PHACTR2: variants seen among roughly 807,000 people sequenced by gnomAD.
PHACTR2 encodes the protein chromosome 6 open reading frame 56.
A neutral mutation model predicts 76.0 loss-of-function variants in PHACTR2; 30 were observed. That is an observed-to-expected ratio of 0.39 (90% CI 0.30 to 0.54). PHACTR2 has a LOEUF of 0.54. PHACTR2 is among the 20% of genes least tolerant of loss of function. The pLI is 0.61. For missense variants in PHACTR2, 696 were observed against 781.1 expected (o/e 0.89, Z 1.30); for synonymous variants, 292 against 292.5 (o/e 1.00, Z 0.02).
chr6:143,552,291 G>A (rs1775106216), intron 1 of PHACTR2, among the ~76,000 whole-genome samples: 1 of 152,094 alleles, frequency 6.6e-6, no homozygotes, highest in Non-Finnish European at 1.5e-5. Context: ...AAACTGAAAG[G>A]ACATCTTCAG....
At chr6:143,721,474 TTC>T (rs1352475117) in intron 2 of PHACTR2, among the ~76,000 whole-genome samples, 2 of 152,204 alleles carry the variant, frequency 1.3e-5, no homozygotes, top group Admixed American at 1.3e-4. Context: ...AGCCATCTAG[TTC>T]TCTCTCTAGG....
In PHACTR2 at chr6:143,546,873, A is replaced by G. The variant is rs201620331; in HGVS notation, c.217+9666A>G. On this transcript the variant is annotated intron_variant, in intron 1 of 11. Transcript: ENST00000367584. This position sits in a 1 kb window ranked among gnomAD's most constrained non-coding sequence, Gnocchi z 4.9. ...AGACCCCATCTCAAAAAAAAAAAAA[A>G]TAAAAAATAAAAAATTAGCCAGGTG... Among the ~76,000 whole-genome samples, 1 of 144,774 alleles carries G rather than the reference A, an allele frequency of 6.9e-6. No homozygotes were observed. Among genetic ancestry groups the G allele is most frequent in the Non-Finnish European group, 1.5e-5 (1 of 65,892 alleles). 95.0% of individuals were successfully genotyped at this position (144,774 alleles called of 152,430 possible). A position where few individuals can be genotyped will look rare whatever the true frequency, so the allele number is the denominator to read the frequency against.
At chr6:143,723,783 G>C (rs947246782) in intron 2 of PHACTR2, among the ~76,000 whole-genome samples, 4 of 152,264 alleles carry the variant, frequency 2.6e-5, no homozygotes, top group South Asian at 4.1e-4. Flanking sequence ...CTCCATGCCA[G>C]ATCTACACAG....
chr6:143,722,186 A>G lies in PHACTR2; in HGVS notation c.214+10003A>G, dbSNP rs770653838. On this transcript the variant is annotated intron_variant, in intron 2 of 12. Transcript: ENST00000440869. The surrounding 1 kb of genome is among the most constrained non-coding windows in gnomAD (Gnocchi z 4.1). ...AAAATATCACCCAGAGCCTCCTAAC[A>G]GGGTGATCTGTTTTATTTTTTTATA... Among the ~76,000 whole-genome samples, 1 of 152,178 alleles carries G rather than the reference A, an allele frequency of 6.6e-6. No homozygotes were observed. The highest frequency in any genetic ancestry group is 1.9e-4 in the East Asian group (1 of 5,204).
rs1215313427 is a variant in PHACTR2 at position 143,783,033 on chromosome 6, G to GTGTA, written c.1646-182_1646-179dup. Among the ~76,000 whole-genome samples the GTGTA allele has an allele frequency of 1.3e-5, 2 of 151,718 alleles. 1 individual carries two copies. The highest frequency in any genetic ancestry group is 4.2e-4 in the South Asian group (2 of 4,806). ...TGTGTGTGTGTGTGTGTGTGTGTGT[G>GTGTA]TGTATGTGTGTGTGTGTGTAAGATG... On this transcript the variant is annotated intron_variant, in intron 9 of 12. Coordinates refer to ENST00000440869, the MANE Select transcript of PHACTR2 (RefSeq NM_001100164.2). The surrounding 1 kb of genome is among the most constrained non-coding windows in gnomAD (Gnocchi z 5.2).
intron 1 of PHACTR2, among the ~76,000 whole-genome samples, chr6:143,574,485 C>A (rs142066245): frequency 6.5e-4 from 99 of 152,284 alleles, no homozygotes; most frequent in Middle Eastern, 3.4e-3. Context: ...TGTCTCTCAA[C>A]ATTGATACCT....
rs552752977 is a variant in PHACTR2, at chr6:143,775,952, G to A, written c.1590-1376G>A. On this transcript the variant is annotated intron_variant, in intron 8 of 12. Transcript: ENST00000440869. This position sits in a 1 kb window ranked among gnomAD's most constrained non-coding sequence, Gnocchi z 4.4. ...TCAAGACCGGCCTGGCCAACATGGC[G>A]AAATACCGTTTCTACTAAAAATACA... Among the ~76,000 whole-genome samples the A allele has an allele frequency of 3.3e-5, 5 of 152,170 alleles. No individual in the cohort carries two copies. Among genetic ancestry groups the A allele is most frequent in the South Asian group, 2.1e-4 (1 of 4,822 alleles).
intron 1 of PHACTR2, among the ~76,000 whole-genome samples, chr6:143,644,264 G>A (rs1288947392): frequency 2.6e-5 from 4 of 151,944 alleles, no homozygotes; most frequent in Admixed American, 6.6e-5. Context: ...TCAGGAGATC[G>A]AGACCATCCT....
intron 1 of PHACTR2, among the ~76,000 whole-genome samples, chr6:143,645,337 A>G (rs1391611491): frequency 6.6e-6 from 1 of 152,098 alleles, no homozygotes; most frequent in African/African-American, 2.4e-5. Flanking sequence ...AATACTACTC[A>G]GCCATGAAAA....
intron 7 of PHACTR2, among the ~76,000 whole-genome samples, chr6:143,773,785 C>T (rs553001523): frequency 3.3e-5 from 5 of 152,214 alleles, no homozygotes; most frequent in Non-Finnish European, 5.9e-5. Flanking sequence ...TAAACTGCAG[C>T]TATCACTTTC....
chr6:143,649,494 A>G (rs1025617487), intron 1 of PHACTR2, among the ~76,000 whole-genome samples: 3 of 152,226 alleles, frequency 2.0e-5, no homozygotes, highest in African/African-American at 7.2e-5. Flanking sequence ...CTTATTCACC[A>G]TGATTCAGTA....
chr6:143,714,761 C>T lies in PHACTR2; in HGVS notation c.214+2578C>T, dbSNP rs75247673. Among the ~76,000 whole-genome samples the T allele has an allele frequency of 8.4e-3, 1,281 of 152,262 alleles. 17 individuals are homozygous for T. Among genetic ancestry groups the T allele is most frequent in the African/African-American group, 0.028 (1,172 of 41,534 alleles). ...TTCTTCTCCTGCATGAGAGGTCCCA[C>T]GTAAGCTCTAGGTTCTTCTATCCCT... On this transcript the variant is annotated intron_variant, in intron 2 of 12. Transcript: ENST00000440869.
rs57948833 is a variant in PHACTR2, at chr6:143,815,177, T to C, written c.1922+8044T>C. Among the ~76,000 whole-genome samples, 1,268 of 152,340 alleles carry C rather than the reference T, an allele frequency of 8.3e-3. 16 individuals are homozygous for C. The highest frequency in any genetic ancestry group is 0.029 in the African/African-American group (1,199 of 41,578). On this transcript the variant is annotated intron_variant, in intron 12 of 12. Transcript: ENST00000440869. ...AGAAATTAAAAGAGTTGCAAAATGC[T>C]GCTTTAACTACTACCAGAGTTGAAA... is the stretch of plus-strand genomic sequence containing the variant.
At chr6:143,703,469 A>G (rs1562275631) in intron 1 of PHACTR2, among the ~76,000 whole-genome samples, 1 of 152,180 alleles carries the variant, frequency 6.6e-6, no homozygotes. Context: ...CTTTCAAGTG[A>G]TGGGGGAATG....
rs139601841 is a variant in PHACTR2 at position 143,690,575 on chromosome 6, C to T, written c.46+12366C>T. On this transcript the variant is annotated intron_variant, in intron 1 of 12. Coordinates refer to ENST00000440869, the MANE Select transcript of PHACTR2 (RefSeq NM_001100164.2). ...CTGGGACATAAGGTAGCAAAGCAGA[C>T]TTGCTGCAGTATGCACAAACACTGC... Among the ~76,000 whole-genome samples the T allele has an allele frequency of 3.8e-3, 581 of 152,354 alleles. 5 individuals carry two copies. Among genetic ancestry groups the T allele is most frequent in the South Asian group, 0.02 (97 of 4,820 alleles).
rs889813475 is a variant in PHACTR2 at position 143,585,213 on chromosome 6, C to A, written c.217+48006C>A. The stretch of plus-strand genomic sequence containing the variant: ...TAGTGGGGTAGAGACTGCATCTGCA[C>A]CATGAGGCAGCAAGAATATGGAGGA... On this transcript the variant is annotated intron_variant, in intron 1 of 11. Coordinates refer to the PHACTR2 transcript ENST00000367584. The surrounding 1 kb of genome is among the most constrained non-coding windows in gnomAD (Gnocchi z 5.2). Among the ~76,000 whole-genome samples the A allele has an allele frequency of 6.6e-6, 1 of 151,904 alleles. No individual in the cohort carries two copies. The highest frequency in any genetic ancestry group is 6.6e-5 in the Admixed American group (1 of 15,250).
intron 2 of PHACTR2, among the ~76,000 whole-genome samples, chr6:143,718,083 A>G (rs1242161303): frequency 1.3e-5 from 2 of 152,214 alleles, no homozygotes; most frequent in Non-Finnish European, 2.9e-5. Context: ...CTTCAATAAA[A>G]TGGAGACTTT....
upstream of PHACTR2, among the ~76,000 whole-genome samples, chr6:143,674,983 G>A (rs1777215378): frequency 6.6e-6 from 1 of 152,320 alleles, no homozygotes; most frequent in East Asian, 1.9e-4. This position sits in a 1 kb window ranked among gnomAD's most constrained non-coding sequence, Gnocchi z 4.9. Context: ...AATAGATATA[G>A]TGGCTTCCAT....
At chr6:143,740,612 C>T (rs1414043121) in intron 2 of PHACTR2, among the ~76,000 whole-genome samples, 1 of 151,414 alleles carries the variant, frequency 6.6e-6, no homozygotes, top group Admixed American at 6.6e-5. Flanking sequence ...TGGAGTAAGG[C>T]TGAGGTTCAA....
Sources: allele counts gnomAD v4.1 joint callset (sites outside exome capture counted in the v4.1 genomes callset), GRCh38; gene constraint gnomAD v4.1.1; non-coding constraint Gnocchi (gnomAD v3.1); transcripts MANE v1.5; gene names NCBI Gene and HGNC (gene_info 2026-07-23, HGNC 2026-07-21).